Variants in MYBL1 observed in about 807,000 individuals in gnomAD.
MYBL1 encodes the protein MYB proto-oncogene like 1, also known as myb-related protein A.
In MYBL1, 17 loss-of-function variants were observed where a neutral mutation model predicts 96.3. That is an observed-to-expected ratio of 0.18 (90% CI 0.12 to 0.26). The LOEUF is 0.26. Ranked by LOEUF, MYBL1 falls within the 10% of genes least tolerant of loss-of-function variation. MYBL1 has a pLI of 1.00. For missense variants in MYBL1, 701 were observed against 882.9 expected (o/e 0.79, Z 2.61); for synonymous variants, 282 against 292.7 (o/e 0.96, Z 0.37).
At position 66,566,603 on chromosome 8, in the gene MYBL1, C is replaced by T. The variant is rs1221730119; in HGVS notation, c.1950+81G>A. On this transcript the variant is annotated intron_variant, in intron 14 of 15. Transcript: ENST00000522677. ...TCTCCATGAATTTCTAATGAACTGG[C>T]TACACAATGAGTAAGAAATAAGAAC... 1.0e-5 allele frequency: 9 copies of T among 898,730 alleles called. No homozygotes were observed. The East Asian group carries it at 2.4e-4, about 24-fold the overall frequency. The allele number at this position is 898,730 out of a possible 1,614,324, so 55.7% of individuals were successfully genotyped here.
intron 12 of MYBL1, among the ~76,000 whole-genome samples, chr8:66,568,932 G>A (rs1429997826): frequency 6.6e-6 from 1 of 152,126 alleles, no homozygotes; most frequent in African/African-American, 2.4e-5. Flanking sequence ...GCTGAGGCAG[G>A]AGAATCGCTT....
chr8:66,602,610 G>A lies in MYBL1; in HGVS notation c.21-87C>T, dbSNP rs989206007. ...TGAACTTGTGTGTGCAGGTATGACT[G>A]AAGAAATCATACAGACTACAAGTCA... On this transcript the variant is annotated intron_variant, in intron 1 of 15. Transcript: ENST00000522677. 3.8e-5 allele frequency: 28 copies of A among 740,426 alleles called. No homozygotes were observed. In the African/African-American group the frequency reaches 5.0e-4, roughly 13 times the overall value. The allele number at this position is 740,426 out of a possible 1,614,324, so 45.9% of individuals were successfully genotyped here. A position where few individuals can be genotyped will look rare whatever the true frequency, so the allele number is the denominator to read the frequency against.
chr8:66,578,701 A>G (rs1278879201), intron 9 of MYBL1, among the ~76,000 whole-genome samples: 1 of 152,216 alleles, frequency 6.6e-6, no homozygotes, highest in African/African-American at 2.4e-5. Flanking sequence ...GAATAGAAAT[A>G]CCATTTGACC....
rs539771340 is a variant in MYBL1 at position 66,612,332 on chromosome 8, T to A, written c.20+487A>T. The A allele has an allele frequency of 3.4e-3, 550 of 160,154 alleles. 8 individuals are homozygous for A. The highest frequency in any genetic ancestry group is 0.012 in the African/African-American group (515 of 41,968). The allele number at this position is 160,154 out of a possible 1,614,324, so 9.9% of individuals were successfully genotyped here. A position where few individuals can be genotyped will look rare whatever the true frequency, so the allele number is the denominator to read the frequency against. ...CTCTCAGCTATTCCCCAGAGGATTT[T>A]CCACAACGTTTCAAGATAGCCAAGT... On this transcript the variant is annotated intron_variant, in intron 1 of 15. Coordinates refer to ENST00000522677, the MANE Select transcript of MYBL1 (RefSeq NM_001080416.4).
At position 66,595,635 on chromosome 8, in the gene MYBL1, C is replaced by A; in HGVS notation, c.635G>T (p.Cys212Phe). 1 of 1,593,750 alleles carries A rather than the reference C, an allele frequency of 6.3e-7. No homozygotes were observed. The highest frequency in any genetic ancestry group is 1.1e-5 in the South Asian group (1 of 87,734). The part of the protein sequence containing the change: ...RSSSKLQHKP[C>F]AAMDHMQTQN... ...GGTTTGCATATGATCCATAGCTGCA[C>A]AAGGTTTGTGTTGAAGTTTAGATGA... The change falls in exon 6 of 16, where the codon TGT (cysteine) becomes TTT (phenylalanine). Residue 212 changes from cysteine (C) to phenylalanine (F), a missense_variant. By Grantham distance (205) the Cys-to-Phe change is radical. This residue lies in a region of MYBL1 where 396 missense variants were observed against 407.4 expected (regional missense o/e 0.97). Coordinates refer to ENST00000522677, the MANE Select transcript of MYBL1 (RefSeq NM_001080416.4).
intron 15 of MYBL1, among the ~76,000 whole-genome samples, chr8:66,565,665 C>A (rs1207714309): frequency 6.6e-6 from 1 of 152,002 alleles, no homozygotes; most frequent in African/African-American, 2.4e-5. Context: ...AACTTCTGAG[C>A]CAAAAAGTTC....
At chr8:66,600,670 G>A (rs1214144249) in intron 3 of MYBL1, among the ~76,000 whole-genome samples, 1 of 152,154 alleles carries the variant, frequency 6.6e-6, no homozygotes, top group Non-Finnish European at 1.5e-5. Flanking sequence ...CGCTCATGGA[G>A]CTGACATTTG....
intron 10 of MYBL1, among the ~76,000 whole-genome samples, chr8:66,574,100 T>C (rs1297936375): frequency 6.6e-6 from 1 of 152,202 alleles, no homozygotes; most frequent in African/African-American, 2.4e-5. Flanking sequence ...TGTGAAATAC[T>C]AATTTATTTT....
In MYBL1 at chr8:66,609,166, C is replaced by T. The variant is rs181971554; in HGVS notation, c.20+3653G>A. ...AGGACATGATAGTCATGACTTTGTC[C>T]GTGAAATAACACGCACTTGATGAAA... On this transcript the variant is annotated intron_variant, in intron 1 of 15. Coordinates refer to ENST00000522677, the MANE Select transcript of MYBL1 (RefSeq NM_001080416.4). 1.7e-3 allele frequency among the ~76,000 whole-genome samples: 253 copies of T among 151,950 alleles called. 1 individual carries two copies. Among genetic ancestry groups the T allele is most frequent in the Non-Finnish European group, 2.8e-3 (193 of 67,872 alleles).
chr8:66,575,813 T>C (rs553696645), intron 10 of MYBL1, among the ~76,000 whole-genome samples, 194 bp downstream of exon 10: 1 of 152,196 alleles, frequency 6.6e-6, no homozygotes, highest in East Asian at 1.9e-4. Context: ...AATAAATAAA[T>C]AAATAAATAT....
chr8:66,601,613 T>A, intron 3 of MYBL1, 85 bp downstream of exon 3: 4 of 738,092 alleles, frequency 5.4e-6, no homozygotes, highest in Non-Finnish European at 8.9e-6. Flanking sequence ...AATTAAAATA[T>A]GTAGACACAT....
intron 8 of MYBL1, among the ~76,000 whole-genome samples, chr8:66,581,549 C>T (rs1009750446): frequency 6.6e-6 from 1 of 151,960 alleles, no homozygotes; most frequent in Non-Finnish European, 1.5e-5. Flanking sequence ...TGGTACCATG[C>T]GCCTGTAGTC....
chr8:66,594,633 C>A (rs1809781801), intron 6 of MYBL1, among the ~76,000 whole-genome samples: 1 of 152,032 alleles, frequency 6.6e-6, no homozygotes, highest in African/African-American at 2.4e-5. Flanking sequence ...CTGCTGAAAT[C>A]TAGACTCTAA....
intron 12 of MYBL1, among the ~76,000 whole-genome samples, chr8:66,571,811 G>A (rs911167860): frequency 2.0e-5 from 3 of 151,558 alleles, no homozygotes; most frequent in Non-Finnish European, 4.4e-5. Flanking sequence ...CCAGGAGGCG[G>A]AGGTTGCAGT....
chr8:66,604,146 TG>T (rs1454789621), intron 1 of MYBL1, among the ~76,000 whole-genome samples: 1 of 152,170 alleles, frequency 6.6e-6, no homozygotes, highest in Non-Finnish European at 1.5e-5. Flanking sequence ...ACATGGAATT[TG>T]GTAAATTATA....
At position 66,566,155 on chromosome 8, in the gene MYBL1, T is replaced by C; in HGVS notation, c.2039A>G (p.Asp680Gly). 4 of 1,538,816 alleles carry C rather than the reference T, an allele frequency of 2.6e-6. No homozygotes were observed. The highest frequency in any genetic ancestry group is 3.5e-6 in the Non-Finnish European group (4 of 1,134,580). The change falls in exon 15 of 16, where the codon GAT becomes GGT. Residue 680 changes from aspartate (D) to glycine (G), a missense_variant. Asp to Gly is a moderately conservative substitution (Grantham distance 94). This residue lies in a region of MYBL1 where 137 missense variants were observed against 137.5 expected (regional missense o/e 1.00). Coordinates refer to ENST00000522677, the MANE Select transcript of MYBL1 (RefSeq NM_001080416.4). ...ATATGTTTTGTTGGTTGAATTTATA[T>C]CTTGTTTTTCAGGAATCAAGTTGCA... Reference protein sequence around the residue: ...NRCNLIPEKQDINSTNKTYTL... With the variant: ...NRCNLIPEKQGINSTNKTYTL...
intron 5 of MYBL1, among the ~76,000 whole-genome samples, chr8:66,596,454 A>C (rs1809853195): frequency 6.6e-6 from 1 of 152,160 alleles, no homozygotes; most frequent in African/African-American, 2.4e-5. Context: ...GTTTTCAGTA[A>C]ATGTTAAGGC....
intron 6 of MYBL1, 90 bp downstream of exon 6, chr8:66,595,493 A>G (rs1809814229): frequency 7.4e-6 from 5 of 676,636 alleles, no homozygotes; most frequent in Non-Finnish European, 1.1e-5. Context: ...CTTAATACGC[A>G]TTGTATTTGT....
intron 1 of MYBL1, among the ~76,000 whole-genome samples, chr8:66,609,077 T>C (rs940142257): frequency 7.2e-5 from 11 of 152,166 alleles, no homozygotes; most frequent in South Asian, 6.2e-4. Flanking sequence ...CACAAAAAAA[T>C]TGTAGAACTC....
Sources: allele counts gnomAD v4.1 joint callset (sites outside exome capture counted in the v4.1 genomes callset), GRCh38; gene constraint gnomAD v4.1.1; regional missense constraint gnomAD v4.1.1; transcripts MANE v1.5; gene names NCBI Gene and HGNC (gene_info 2026-07-23, HGNC 2026-07-21).